ALOX5AP: variants seen among roughly 807,000 people sequenced by gnomAD.
ALOX5AP encodes the protein arachidonate 5-lipoxygenase activating protein.
A neutral mutation model predicts 18.5 loss-of-function variants in ALOX5AP; 9 were observed. The ratio of observed to expected loss-of-function variants is 0.49; its 90% CI spans 0.29 to 0.85. The LOEUF (loss-of-function observed/expected upper bound fraction) is 0.85, where lower values mean the gene tolerates loss of function less well. Ranked by LOEUF, ALOX5AP falls within the 40% of genes least tolerant of loss-of-function variation. ALOX5AP has a pLI of 0.08. For synonymous variants in ALOX5AP, 81 were observed against 78.6 expected, an observed-to-expected ratio of 1.03 and a Z score of -0.16; for missense variants, 172 against 202.5, an observed-to-expected ratio of 0.85 and a Z score of 0.91.
chr13:30,719,250 A>G (rs2137785947), intron 1 of ALOX5AP, among the ~76,000 whole-genome samples: 1 of 152,336 alleles, frequency 6.6e-6, no homozygotes, highest in Non-Finnish European at 1.5e-5. Context: ...TATCTGGTAT[A>G]CCTAGAAAAC....
intron 1 of ALOX5AP, among the ~76,000 whole-genome samples, chr13:30,729,222 C>A (rs1951661394): frequency 6.6e-6 from 1 of 152,056 alleles, no homozygotes; most frequent in African/African-American, 2.4e-5. Flanking sequence ...TTCATGGTCA[C>A]AAAGACTTTC....
At chr13:30,742,316 TA>T (rs35368925) in intron 1 of ALOX5AP, 65 of 135,584 alleles carry the variant, frequency 4.8e-4, no homozygotes, top group Middle Eastern at 3.9e-3. Context: ...ACTCCGTATC[TA>T]AAAAAAAAAA....
chr13:30,736,137 G>C (rs1294232631), intron 1 of ALOX5AP, among the ~76,000 whole-genome samples: 1 of 151,998 alleles, frequency 6.6e-6, no homozygotes, highest in Non-Finnish European at 1.5e-5. Context: ...TGGGAGGTGC[G>C]TAGAAAAAAT....
At chr13:30,744,272 C>T (rs111282470) in intron 2 of ALOX5AP, 113 bp downstream of exon 2, 55 of 925,230 alleles carry the variant, frequency 5.9e-5, no homozygotes, top group Admixed American at 2.2e-4. Context: ...AGTTTCTGAG[C>T]GCCAGGGAGG....
chr13:30,744,085 C>G lies in ALOX5AP; in HGVS notation c.96C>G (p.His32Gln), dbSNP rs141376946. Residue 32 changes from histidine to glutamine, a missense_variant, in exon 2 of 5, where the codon CAC (histidine) becomes CAG (glutamine). Transcript: ENST00000380490. Reference protein sequence around the residue: ...QNGFFAHKVEHESRTQNGRSF... With the variant: ...QNGFFAHKVEQESRTQNGRSF... ...GATTCTTTGCCCATAAAGTGGAGCA[C>G]GAAAGCAGGACCCAGAATGGGAGGA... is the stretch of plus-strand genomic sequence containing the variant. 3 of 1,614,122 alleles carry G rather than the reference C, an allele frequency of 1.9e-6. No homozygotes were observed. The highest frequency in any genetic ancestry group is 2.2e-5 in the East Asian group (1 of 44,876).
At chr13:30,752,025 T>G (rs1248433693) in intron 2 of ALOX5AP, 27 bp from the exon 3 acceptor site, 2 of 1,611,080 alleles carry the variant, frequency 1.2e-6, no homozygotes, top group Non-Finnish European at 1.7e-6. Context: ...CTCTGATTGT[T>G]TTTCTCCTTG....
intron 1 of ALOX5AP, 85 bp from the exon 2 acceptor site, chr13:30,743,975 C>A: frequency 8.9e-7 from 1 of 1,126,292 alleles, no homozygotes; most frequent in Non-Finnish European, 1.3e-6. Context: ...GTCAAGGAGG[C>A]ATTTAACATT....
chr13:30,727,539 AG>A (rs1951648592), intron 1 of ALOX5AP, among the ~76,000 whole-genome samples: 1 of 152,164 alleles, frequency 6.6e-6, no homozygotes, highest in Non-Finnish European at 1.5e-5. Flanking sequence ...GAGATGAGGA[AG>A]GTGGGAGTGA....
intron 1 of ALOX5AP, among the ~76,000 whole-genome samples, chr13:30,725,321 C>G (rs549788109): frequency 1.3e-5 from 2 of 152,206 alleles, no homozygotes; most frequent in Non-Finnish European, 2.9e-5. Context: ...GAATGTTAAC[C>G]AAAGAGCAGC....
At chr13:30,731,826 G>A (rs1252410887), upstream of ALOX5AP, among the ~76,000 whole-genome samples, 2 of 152,250 alleles carry the variant, frequency 1.3e-5, no homozygotes, top group Non-Finnish European at 2.9e-5. Flanking sequence ...GCCGCTCAGC[G>A]GCTCCGGATT....
At chr13:30,720,721 T>C (rs1476706041) in intron 1 of ALOX5AP, among the ~76,000 whole-genome samples, 1 of 152,240 alleles carries the variant, frequency 6.6e-6, no homozygotes, top group Non-Finnish European at 1.5e-5. Flanking sequence ...AGGCTAATTT[T>C]GCTGGGGGAA....
chr13:30,759,267 T>A (rs17245652), intron 4 of ALOX5AP, among the ~76,000 whole-genome samples: 1 of 152,082 alleles, frequency 6.6e-6, no homozygotes, highest in Non-Finnish European at 1.5e-5. Flanking sequence ...TCCTATCCCA[T>A]GGAGTCCTGT....
chr13:30,742,445 A>C (rs1219248772), intron 1 of ALOX5AP: 1 of 152,296 alleles, frequency 6.6e-6, no homozygotes, highest in African/African-American at 2.4e-5. Flanking sequence ...TCTCCCCAGC[A>C]GCAGGTTGAC....
chr13:30,730,524 T>G (rs1449609714), intron 1 of ALOX5AP, among the ~76,000 whole-genome samples: 2 of 152,210 alleles, frequency 1.3e-5, no homozygotes, highest in Non-Finnish European at 2.9e-5. Flanking sequence ...GGGCTGTATC[T>G]CTATGCCCTG....
chr13:30,755,459 G>A (rs2137826976), intron 3 of ALOX5AP, among the ~76,000 whole-genome samples: 1 of 152,152 alleles, frequency 6.6e-6, no homozygotes, highest in East Asian at 1.9e-4. Context: ...ATAGAAATGT[G>A]GGTACTAGTT....
chr13:30,717,799 C>T (rs1391636278), intron 1 of ALOX5AP, among the ~76,000 whole-genome samples: 7 of 151,994 alleles, frequency 4.6e-5, no homozygotes, highest in Non-Finnish European at 1.0e-4. Flanking sequence ...ATGGAAGCTT[C>T]AAGACACCCA....
At chr13:30,755,885 C>T (rs1376402334) in intron 3 of ALOX5AP, 59 bp from the exon 4 acceptor site, 2 of 1,539,306 alleles carry the variant, frequency 1.3e-6, no homozygotes, top group Non-Finnish European at 1.8e-6. Flanking sequence ...CCTAATTGGG[C>T]TAACAGCATG....
chr13:30,733,646 G>T (rs1463356304), upstream of ALOX5AP, among the ~76,000 whole-genome samples: 1 of 152,224 alleles, frequency 6.6e-6, no homozygotes, highest in East Asian at 1.9e-4. Context: ...GTTAGGGAGG[G>T]TGTTTCTGAA....
At position 30,764,081 on chromosome 13, in the gene ALOX5AP, T is replaced by C; in HGVS notation, c.461T>C (p.Ile154Thr). 6.2e-7 allele frequency: 1 copy of C among 1,614,168 alleles called. No individual in the cohort carries two copies. The highest frequency in any genetic ancestry group is 8.5e-7 in the Non-Finnish European group (1 of 1,180,018). Residue 154 changes from isoleucine to threonine, a missense_variant, in exon 5 of 5, where the codon ATC (isoleucine) becomes ACC (threonine). Physicochemically the swap from Ile to Thr is moderately conservative, Grantham distance 89. Coordinates refer to ENST00000380490, the MANE Select transcript of ALOX5AP (RefSeq NM_001629.4). ...TACATAAAGACGATCTCCACCACCA[T>C]CTCCCCTCTACTTCTCATTCCCTAA... ...ENYIKTISTT[I>T]SPLLLIP
Sources: gnomAD v4.1 joint callset for allele counts (sites outside exome capture counted in the v4.1 genomes callset) on GRCh38, gnomAD v4.1.1 for gene constraint, MANE v1.5 for transcripts, NCBI Gene and HGNC (gene_info 2026-07-23, HGNC 2026-07-21) for gene names.